ARHGAP26: variants seen among roughly 807,000 people sequenced by gnomAD.
ARHGAP26 encodes the protein rho GTPase-activating protein 26.
A neutral mutation model predicts 104.8 loss-of-function variants in ARHGAP26; 38 were observed. The ratio of observed to expected loss-of-function variants is 0.36; its 90% CI spans 0.28 to 0.48. The LOEUF (loss-of-function observed/expected upper bound fraction) is 0.48, where lower values mean the gene tolerates loss of function less well. Among genes scored for constraint, ARHGAP26 ranks in the 20% least tolerant of loss-of-function variants. ARHGAP26 has a pLI of 0.99. For synonymous variants in ARHGAP26, 341 were observed against 340.0 expected (o/e 1.00, Z -0.03); for missense variants, 704 against 947.9 (o/e 0.74, Z 3.38).
intron 17 of ARHGAP26, among the ~76,000 whole-genome samples, chr5:143,103,849 G>A (rs925291869): frequency 2.2e-3 from 336 of 152,162 alleles, no homozygotes; most frequent in African/African-American, 7.7e-3. Context: ...TGTAGATGAC[G>A]GGTTGATGGG....
At chr5:143,050,085 C>T (rs895944350) in intron 14 of ARHGAP26, among the ~76,000 whole-genome samples, 11 of 152,190 alleles carry the variant, frequency 7.2e-5, no homozygotes, top group African/African-American at 2.7e-4. Context: ...CCCCCACACC[C>T]CTGGGTGGCT....
At chr5:142,866,402 T>C (rs1168022183) in intron 1 of ARHGAP26, among the ~76,000 whole-genome samples, 1 of 152,178 alleles carries the variant, frequency 6.6e-6, no homozygotes. Flanking sequence ...CAGTTTCCCA[T>C]CTGCAAAATG....
intron 22 of ARHGAP26, chr5:143,216,298 T>A (rs1300488656): frequency 2.1e-6 from 1 of 471,092 alleles, no homozygotes; most frequent in Admixed American, 2.3e-5. Context: ...TTCTCACATC[T>A]GCTCTTGCTG....
chr5:142,813,500 G>T (rs1764525152), intron 1 of ARHGAP26, among the ~76,000 whole-genome samples: 1 of 152,192 alleles, frequency 6.6e-6, no homozygotes, highest in African/African-American at 2.4e-5. Context: ...TAATCTTCTA[G>T]GGCTACCATA....
chr5:142,884,749 A>G (rs1478516460), intron 4 of ARHGAP26, among the ~76,000 whole-genome samples: 1 of 152,176 alleles, frequency 6.6e-6, no homozygotes, highest in African/African-American at 2.4e-5. Context: ...TGAAGATAAT[A>G]TTGTTGTTTT....
intron 17 of ARHGAP26, among the ~76,000 whole-genome samples, chr5:143,092,466 A>T (rs1791599911): frequency 6.6e-6 from 1 of 152,116 alleles, no homozygotes; most frequent in Admixed American, 6.5e-5. Flanking sequence ...ACCCGGCCAC[A>T]TCCCGTTCTT....
intron 20 of ARHGAP26, among the ~76,000 whole-genome samples, chr5:143,181,979 G>C (rs1429853897): frequency 1.3e-5 from 2 of 152,104 alleles, no homozygotes; most frequent in African/African-American, 4.8e-5. Context: ...TCCCTGGCTT[G>C]TACGCTCCTG....
intron 11 of ARHGAP26, among the ~76,000 whole-genome samples, chr5:142,990,736 C>G (rs576450416): frequency 6.6e-6 from 1 of 152,102 alleles, no homozygotes; most frequent in Non-Finnish European, 1.5e-5. Context: ...CACTCCAGAC[C>G]CTGTTTGCCT....
intron 17 of ARHGAP26, among the ~76,000 whole-genome samples, chr5:143,101,908 G>A (rs1226019312): frequency 1.3e-5 from 2 of 151,328 alleles, no homozygotes; most frequent in Non-Finnish European, 2.9e-5. Context: ...TCCTTAAAAA[G>A]GGGGAAGCAG....
intron 1 of ARHGAP26, among the ~76,000 whole-genome samples, chr5:142,842,608 C>T (rs756324328): frequency 7.2e-5 from 11 of 152,100 alleles, no homozygotes; most frequent in Non-Finnish European, 1.0e-4. Flanking sequence ...AGGTGAAACC[C>T]AATAATTGAT....
intron 1 of ARHGAP26, among the ~76,000 whole-genome samples, chr5:142,861,350 G>GT (rs70991781): frequency 0.067 from 9,730 of 145,898 alleles, 418 homozygotes; most frequent in East Asian, 0.19. Context: ...GGCTAGGTCC[G>GT]TTTTTTTTTT....
At chr5:142,809,695 T>G (rs1358584840) in intron 1 of ARHGAP26, among the ~76,000 whole-genome samples, 1 of 152,212 alleles carries the variant, frequency 6.6e-6, no homozygotes, top group Non-Finnish European at 1.5e-5. Context: ...CTTTCCCTCC[T>G]CTTAACTTCT....
At chr5:143,109,891 A>T (rs111673462) in intron 17 of ARHGAP26, among the ~76,000 whole-genome samples, 3,082 of 152,324 alleles carry the variant, frequency 0.02, 111 homozygotes, top group African/African-American at 0.072. Context: ...TCAGTCAAGA[A>T]CAAAGCTTTT....
At chr5:142,997,088 G>C (rs1562229669) in intron 11 of ARHGAP26, among the ~76,000 whole-genome samples, 2 of 152,000 alleles carry the variant, frequency 1.3e-5, no homozygotes, top group Admixed American at 6.6e-5. Context: ...GAGCATAGCT[G>C]TTTTCCAAAA....
At chr5:143,195,971 T>A (rs1212659189) in intron 20 of ARHGAP26, among the ~76,000 whole-genome samples, 5 of 152,102 alleles carry the variant, frequency 3.3e-5, no homozygotes, top group African/African-American at 1.2e-4. Flanking sequence ...CAAGCGACTC[T>A]AAAAAAATAA....
At chr5:142,827,625 A>G (rs999456812) in intron 1 of ARHGAP26, among the ~76,000 whole-genome samples, 2 of 152,150 alleles carry the variant, frequency 1.3e-5, no homozygotes, top group African/African-American at 4.8e-5. Context: ...GTGACAGATA[A>G]TGAAGGGATA....
chr5:143,037,379 T>C (rs1782820854), intron 13 of ARHGAP26, 118 bp downstream of exon 13: 2 of 726,760 alleles, frequency 2.8e-6, no homozygotes, highest in Admixed American at 6.1e-5. Flanking sequence ...CCAAGTGCCA[T>C]TGTCAGTGGA....
At chr5:143,174,576 A>T (rs980603630) in intron 20 of ARHGAP26, among the ~76,000 whole-genome samples, 5 of 152,332 alleles carry the variant, frequency 3.3e-5, no homozygotes, top group South Asian at 2.1e-4. Flanking sequence ...TTATCAACTG[A>T]TATAATAGCC....
chr5:143,054,935 C>G (rs1387636744), intron 15 of ARHGAP26, among the ~76,000 whole-genome samples: 1 of 152,210 alleles, frequency 6.6e-6, no homozygotes, highest in East Asian at 1.9e-4. Flanking sequence ...ACATTGCTGA[C>G]AATGGTTCTT....
Sources: allele counts gnomAD v4.1 joint callset (sites outside exome capture counted in the v4.1 genomes callset), GRCh38; gene constraint gnomAD v4.1.1; transcripts MANE v1.5; gene names NCBI Gene and HGNC (gene_info 2026-07-23, HGNC 2026-07-21).